WDR35: variants seen among roughly 807,000 people sequenced by gnomAD.
WDR35 encodes WD repeat-containing protein 35.
In WDR35, 118 loss-of-function variants were observed where a neutral mutation model predicts 158.3. The ratio of observed to expected loss-of-function variants is 0.75; its 90% CI spans 0.64 to 0.87. The LOEUF (loss-of-function observed/expected upper bound fraction) is 0.87. WDR35 is among the 40% of genes least tolerant of loss of function. The pLI is 0.00. For missense variants in WDR35, 1,263 were observed against 1,405.8 expected, an observed-to-expected ratio of 0.90 and a Z score of 1.62; for synonymous variants, 448 against 476.1, an observed-to-expected ratio of 0.94 and a Z score of 0.77.
In WDR35 at chr2:19,955,747, C is replaced by A. The variant is rs1671407590; in HGVS notation, c.1256-1769G>T. Among the ~76,000 whole-genome samples, 3 of 152,044 alleles carry A rather than the reference C, an allele frequency of 2.0e-5. No individual in the cohort carries two copies. The South Asian group carries it at 6.2e-4, about 31-fold the overall frequency. On this transcript the variant is annotated intron_variant, in intron 11 of 26. Transcript: ENST00000281405. The stretch of plus-strand genomic sequence containing the variant: ...GGAGGTACCATTTATAGAGTTCTTG[C>A]CAGAGTGCAGACAAAGGACATTTGA...
intron 2 of WDR35, 64 bp downstream of exon 2, chr2:19,989,101 G>T: frequency 7.4e-7 from 1 of 1,354,884 alleles, no homozygotes; most frequent in South Asian, 1.2e-5. Flanking sequence ...AACATGAGTA[G>T]ACCGCACTGA....
chr2:19,945,900 C>T lies in WDR35; in HGVS notation c.1731G>A (p.Leu577=), dbSNP rs1489366449. The T allele has an allele frequency of 6.2e-6, 10 of 1,613,994 alleles. No homozygotes were observed. Among genetic ancestry groups the T allele is most frequent in the Non-Finnish European group, 8.5e-6 (10 of 1,179,904 alleles). Residue 577 remains leucine (L), a synonymous_variant, in exon 16 of 27, where the codon TTG becomes TTA. Coordinates refer to ENST00000281405, the MANE Select transcript of WDR35 (RefSeq NM_020779.4). ...DSTGQQVVGE[L]LKLERRDVWD... is the part of the protein sequence containing the mutation. ...AGACATCTCTTCGTTCCAATTTTAA[C>T]AACTCTCCAACTACTTGCTGTCCCG...
At position 19,913,301 on chromosome 2, in the gene WDR35, A is replaced by C; in HGVS notation, c.*257T>G. 1 of 380,516 alleles carries C rather than the reference A, an allele frequency of 2.6e-6. No homozygotes were observed. Among genetic ancestry groups the C allele is most frequent in the Non-Finnish European group, 4.8e-6 (1 of 210,190 alleles). The allele number at this position is 380,516 out of a possible 1,614,324, so 23.6% of individuals were successfully genotyped here. A position where few individuals can be genotyped will look rare whatever the true frequency, so the allele number is the denominator to read the frequency against. ...CCATGGTATCATGTAACCAAAAACA[A>C]GATAAACAAAAGAGAGAGGGTGAGA... On this transcript the variant is annotated 3_prime_UTR_variant, in exon 27 of 27. Transcript: ENST00000281405.
chr2:19,953,884 T>C lies in WDR35; in HGVS notation c.1350A>G (p.Thr450=). ...TWQYRVAKKL[T]ALEINQITRS... is the part of the protein sequence containing the mutation. ...GTGTGATCTGATTAATTTCCAATGC[T>C]GTGAGCTTCTTTGCCACACGATATT... is the stretch of plus-strand genomic sequence containing the variant. The change falls in exon 12 of 27, where the codon ACA becomes ACG. Residue 450 remains threonine (T), a synonymous_variant. Coordinates refer to ENST00000281405, the MANE Select transcript of WDR35 (RefSeq NM_020779.4). 6.2e-7 allele frequency: 1 copy of C among 1,614,188 alleles called. No individual in the cohort carries two copies. Among genetic ancestry groups the C allele is most frequent in the Non-Finnish European group, 8.5e-7 (1 of 1,180,012 alleles).
rs752107469 is a variant in WDR35, at chr2:19,945,856, T to G, written c.1775A>C (p.Lys592Thr). The G allele has an allele frequency of 6.2e-7, 1 of 1,613,918 alleles. No homozygotes were observed. Among genetic ancestry groups the G allele is most frequent in the Non-Finnish European group, 8.5e-7 (1 of 1,179,914 alleles). The part of the protein sequence containing the change: ...RRDVWDMKWA[K>T]DNPDLFAMME... Reference sequence around the variant, plus strand: ...CATTGCAAACAAATCAGGATTATCTTTGGCCCACTTCATATCCCAGACATC... The same window carrying G: ...CATTGCAAACAAATCAGGATTATCTGTGGCCCACTTCATATCCCAGACATC... Residue 592 changes from lysine to threonine, a missense_variant, in exon 16 of 27, where the codon AAA becomes ACA. Coordinates refer to ENST00000281405, the MANE Select transcript of WDR35 (RefSeq NM_020779.4).
chr2:19,923,315 T>C (rs1036058380), intron 25 of WDR35, among the ~76,000 whole-genome samples: 2 of 152,064 alleles, frequency 1.3e-5, no homozygotes, highest in Non-Finnish European at 2.9e-5. Context: ...GGAGCAACAG[T>C]TGGAGAACGT....
intron 4 of WDR35, among the ~76,000 whole-genome samples, chr2:19,979,784 C>A (rs915775339): frequency 6.6e-6 from 1 of 151,790 alleles, no homozygotes; most frequent in Non-Finnish European, 1.5e-5. Flanking sequence ...CACACACACA[C>A]ACACACACAC....
intron 25 of WDR35, among the ~76,000 whole-genome samples, chr2:19,927,414 C>T (rs1350592231): frequency 4.6e-5 from 7 of 152,160 alleles, no homozygotes; most frequent in Non-Finnish European, 1.0e-4. Context: ...ATTAATTGGT[C>T]CCCTAAGGGG....
chr2:19,942,883 T>G (rs1670921900), intron 16 of WDR35, among the ~76,000 whole-genome samples: 1 of 152,078 alleles, frequency 6.6e-6, no homozygotes, highest in African/African-American at 2.4e-5. Context: ...GATAATTCTT[T>G]TTATCAAAAA....
At chr2:19,946,369 G>A (rs917958598) in intron 15 of WDR35, 92 bp downstream of exon 15, 11 of 1,052,704 alleles carry the variant, frequency 1.0e-5, no homozygotes, top group Admixed American at 6.9e-5. Context: ...TAATAGACAC[G>A]CCCATCTTTA....
At chr2:19,950,606 T>A (rs1268583006) in intron 13 of WDR35, among the ~76,000 whole-genome samples, 1 of 152,316 alleles carries the variant, frequency 6.6e-6, no homozygotes. Context: ...AAGCGACTGT[T>A]TCTTATTCAC....
chr2:19,954,045 C>T (rs995515425), intron 11 of WDR35, 67 bp from the exon 12 acceptor site: 16 of 1,588,738 alleles, frequency 1.0e-5, no homozygotes, highest in Non-Finnish European at 1.4e-5. Context: ...GCTGCAAAGG[C>T]CTTTAGTAAT....
intron 12 of WDR35, chr2:19,952,004 T>G (rs1671252331): frequency 6.5e-6 from 1 of 153,532 alleles, no homozygotes; most frequent in East Asian, 1.9e-4. Context: ...CTCTAGTACC[T>G]GTACCTGTAT....
chr2:19,981,868 TA>T (rs1672392218), intron 3 of WDR35, among the ~76,000 whole-genome samples: 1 of 152,188 alleles, frequency 6.6e-6, no homozygotes, highest in African/African-American at 2.4e-5. Flanking sequence ...TAAAAAGGAT[TA>T]TATATACAAC....
At position 19,974,578 on chromosome 2, in the gene WDR35, C is replaced by T. The variant is rs1410550467; in HGVS notation, c.626G>A (p.Gly209Glu). Residue 209 changes from glycine to glutamate, a missense_variant, in exon 7 of 27, where the codon GGA (glycine) becomes GAA (glutamate). Gly to Glu is a moderately conservative substitution (Grantham distance 98). Transcript: ENST00000281405. ...VNVTGAISIA[G>E]IHWYHGTEGY... ...TTCTGTGCCATGGTACCAATGAATT[C>T]CAGCAATGCTGATAGCTCCAGTGAC... 5 of 1,613,302 alleles carry T rather than the reference C, an allele frequency of 3.1e-6. No individual in the cohort carries two copies. Among genetic ancestry groups the T allele is most frequent in the African/African-American group, 1.3e-5 (1 of 74,876 alleles).
chr2:19,935,486 G>T lies in WDR35; in HGVS notation c.2532C>A (p.Asn844Lys), dbSNP rs760123697. 4 of 1,612,754 alleles carry T rather than the reference G, an allele frequency of 2.5e-6. No individual in the cohort carries two copies. Among genetic ancestry groups the T allele is most frequent in the Non-Finnish European group, 3.4e-6 (4 of 1,179,464 alleles). Residue 844 changes from asparagine to lysine, a missense_variant, in exon 21 of 27, where the codon AAC (asparagine) becomes AAA (lysine). Transcript: ENST00000281405. ...CAATACCTACTGGAAGTAACTTGTG[G>T]TTTTCTGGAAGTGAAATGGCAAGGT... ...LENLAISLPE[N>K]HKLLPEIAQM...
At chr2:19,925,458 G>A (rs1670329296) in intron 25 of WDR35, among the ~76,000 whole-genome samples, 1 of 152,200 alleles carries the variant, frequency 6.6e-6, no homozygotes, top group Non-Finnish European at 1.5e-5. Flanking sequence ...CGTCCTACCT[G>A]TGAAGTAACT....
chr2:19,953,280 C>T (rs1270031167), intron 12 of WDR35, among the ~76,000 whole-genome samples: 1 of 152,194 alleles, frequency 6.6e-6, no homozygotes, highest in Non-Finnish European at 1.5e-5. Context: ...TCTAACCTAT[C>T]TACTATGTGG....
Position 19,913,484 on chromosome 2 carries a change from T to G in WDR35, c.*74A>C. 1 of 1,572,396 alleles carries G rather than the reference T, an allele frequency of 6.4e-7. No homozygotes were observed. Among genetic ancestry groups the G allele is most frequent in the South Asian group, 1.1e-5 (1 of 88,536 alleles). ...CATACAAAACTCACAGAAATAAACC[T>G]TATTACATATACAGCATATAGCCAT... On this transcript the variant is annotated 3_prime_UTR_variant, in exon 27 of 27. Transcript: ENST00000281405.
Sources: allele counts gnomAD v4.1 joint callset (sites outside exome capture counted in the v4.1 genomes callset), GRCh38; gene constraint gnomAD v4.1.1; transcripts MANE v1.5; gene names NCBI Gene and HGNC (gene_info 2026-07-23, HGNC 2026-07-21).